DMD: variants seen among roughly 807,000 people sequenced by gnomAD.
The protein encoded by DMD is mutant dystrophin.
A neutral mutation model predicts 330.1 loss-of-function variants in DMD; 63 were observed. The ratio of observed to expected loss-of-function variants is 0.19; its 90% CI spans 0.16 to 0.24. The LOEUF is 0.24. DMD is among the 10% of genes least tolerant of loss of function. The probability of loss-of-function intolerance (pLI) is 1.00; values close to 1 mark genes in which losing one functional copy is unlikely to be tolerated. For missense variants in DMD, 3,344 were observed against 2,684.1 expected, an observed-to-expected ratio of 1.25 and a Z score of -5.43; for synonymous variants, 1,223 against 959.8, an observed-to-expected ratio of 1.27 and a Z score of -5.07.
At chrX:31,608,274 G>A (rs964931684) in intron 55 of DMD, among the ~76,000 whole-genome samples, 3 of 111,794 alleles carry the variant, frequency 2.7e-5, no homozygotes, top group African/African-American at 6.5e-5. Flanking sequence ...TAAGGAGTGG[G>A]TAGCTAATAT....
chrX:32,573,166 G>A (rs183492153), intron 15 of DMD, among the ~76,000 whole-genome samples: 23 of 111,493 alleles, frequency 2.1e-4, no homozygotes, highest in Non-Finnish European at 4.0e-4. Context: ...GATAACCGTC[G>A]CTTGTAACTC....
At chrX:31,709,526 C>T (rs1471089664) in intron 52 of DMD, among the ~76,000 whole-genome samples, 1 of 107,578 alleles carries the variant, frequency 9.3e-6, no homozygotes, top group Non-Finnish European at 1.9e-5. Flanking sequence ...TTTTCTTTAT[C>T]TGGGTCAGGA....
At chrX:32,943,942 G>C (rs374517337) in intron 2 of DMD, among the ~76,000 whole-genome samples, 1 of 111,567 alleles carries the variant, frequency 9.0e-6, no homozygotes, top group East Asian at 2.8e-4. Flanking sequence ...TAGTGGTCAA[G>C]TTAGGGCTTT....
chrX:32,576,200 G>T (rs753103419), intron 13 of DMD, among the ~76,000 whole-genome samples: 5 of 111,478 alleles, frequency 4.5e-5, no homozygotes, highest in African/African-American at 1.3e-4. Context: ...GCCTAAAACT[G>T]CAGGTAGTAC....
At chrX:32,491,822 C>T (rs1007767298) in intron 19 of DMD, among the ~76,000 whole-genome samples, 6 of 111,221 alleles carry the variant, frequency 5.4e-5, no homozygotes, top group Non-Finnish European at 9.4e-5. Context: ...GTGCTCAAAG[C>T]TCTGATGGGA....
At chrX:31,204,358 G>A (rs1256963626) in intron 66 of DMD, among the ~76,000 whole-genome samples, 1 of 112,646 alleles carries the variant, frequency 8.9e-6, no homozygotes, top group African/African-American at 3.2e-5. Flanking sequence ...TGCAAGAAGC[G>A]CAAGCTTACA....
At chrX:32,276,364 G>C (rs941704609) in intron 43 of DMD, among the ~76,000 whole-genome samples, 6 of 112,497 alleles carry the variant, frequency 5.3e-5, no homozygotes, top group Non-Finnish European at 1.1e-4. Flanking sequence ...TAGAGGACTA[G>C]GGTGGCATGT....
At chrX:32,829,188 T>C (rs1003126781) in intron 4 of DMD, among the ~76,000 whole-genome samples, 2 of 111,674 alleles carry the variant, frequency 1.8e-5, no homozygotes, top group Non-Finnish European at 3.8e-5. Flanking sequence ...AGTTTTTTTC[T>C]TTTCATATGC....
intron 34 of DMD, among the ~76,000 whole-genome samples, chrX:32,366,749 T>G (rs189662415): frequency 2.6e-3 from 291 of 112,090 alleles, no homozygotes; most frequent in African/African-American, 8.9e-3. Context: ...ATACTTTCTG[T>G]TTTGGTTTTG....
At chrX:31,283,854 A>C (rs1028300040) in intron 62 of DMD, among the ~76,000 whole-genome samples, 2 of 112,186 alleles carry the variant, frequency 1.8e-5, no homozygotes, top group Non-Finnish European at 3.8e-5. Context: ...ATACCAATTA[A>C]GCAAACAGTT....
At chrX:32,778,511 A>T (rs1410974885) in intron 7 of DMD, among the ~76,000 whole-genome samples, 1 of 111,945 alleles carries the variant, frequency 8.9e-6, no homozygotes, top group Non-Finnish European at 1.9e-5. Flanking sequence ...GCTTAAAACA[A>T]GACAAATGTT....
intron 2 of DMD, among the ~76,000 whole-genome samples, chrX:32,887,352 AAAT>A (rs1295544655): frequency 9.5e-5 from 10 of 105,371 alleles, no homozygotes; most frequent in Non-Finnish European, 1.3e-4. Flanking sequence ...ATCTCAAAAA[AAAT>A]AAATAAATAA....
At chrX:32,525,636 T>C (rs980391977) in intron 17 of DMD, among the ~76,000 whole-genome samples, 10 of 111,587 alleles carry the variant, frequency 9.0e-5, no homozygotes, top group African/African-American at 3.3e-4. Flanking sequence ...GTAGTTTTCA[T>C]GTATTTCACT....
chrX:31,383,821 G>C (rs1046515702), intron 60 of DMD, among the ~76,000 whole-genome samples: 1 of 111,768 alleles, frequency 8.9e-6, no homozygotes, highest in Non-Finnish European at 1.9e-5. Context: ...TCGAGGTGAA[G>C]ATTACCTTCC....
chrX:31,826,210 T>C (rs770263279), intron 49 of DMD, among the ~76,000 whole-genome samples: 6 of 111,836 alleles, frequency 5.4e-5, no homozygotes, highest in Non-Finnish European at 7.5e-5. Flanking sequence ...GATAGGTAAA[T>C]GAGGGGTTAC....
chrX:32,659,671 C>T (rs1368334219), intron 9 of DMD, among the ~76,000 whole-genome samples: 5 of 110,646 alleles, frequency 4.5e-5, no homozygotes, highest in African/African-American at 1.3e-4. Context: ...TGACATGTAA[C>T]AATATTCCAT....
At chrX:32,639,681 G>T (rs1426313552) in intron 11 of DMD, among the ~76,000 whole-genome samples, 1 of 112,038 alleles carries the variant, frequency 8.9e-6, no homozygotes, top group Non-Finnish European at 1.9e-5. Context: ...TGAGAGTGTG[G>T]TTATGAAGGA....
chrX:32,978,144 C>T (rs1002445444), intron 2 of DMD, among the ~76,000 whole-genome samples: 1 of 111,390 alleles, frequency 9.0e-6, no homozygotes, highest in Non-Finnish European at 1.9e-5. Flanking sequence ...ATGAACTGGG[C>T]GGACTGCTAC....
At chrX:31,782,932 T>A (rs1474832655) in intron 50 of DMD, among the ~76,000 whole-genome samples, 1 of 111,809 alleles carries the variant, frequency 8.9e-6, no homozygotes, top group East Asian at 2.8e-4. Flanking sequence ...AAACTCACTA[T>A]TAATGCACTA....
Sources: allele counts gnomAD v4.1 joint callset (sites outside exome capture counted in the v4.1 genomes callset), GRCh38; gene constraint gnomAD v4.1.1; transcripts MANE v1.5; gene names NCBI Gene and HGNC (gene_info 2026-07-23, HGNC 2026-07-21).